GNAI3: variants seen among roughly 807,000 people sequenced by gnomAD.
GNAI3 encodes the protein guanine nucleotide-binding protein G(i) subunit alpha-3.
Under a neutral mutation model 41.8 loss-of-function variants are expected in GNAI3, and 12 were observed. That is an observed-to-expected ratio of 0.29 (90% CI 0.18 to 0.47). The LOEUF (loss-of-function observed/expected upper bound fraction) is 0.47. Ranked by LOEUF, GNAI3 falls within the 20% of genes least tolerant of loss-of-function variation. The pLI, the probability that GNAI3 is intolerant of heterozygous loss-of-function variation, is 1.00. For missense variants in GNAI3, 360 were observed against 429.6 expected (o/e 0.84, Z 1.43); for synonymous variants, 132 against 146.5 (o/e 0.90, Z 0.71).
intron 1 of GNAI3, among the ~76,000 whole-genome samples, chr1:109,553,299 A>G (rs1342175756): frequency 1.3e-5 from 2 of 151,898 alleles, no homozygotes; most frequent in Non-Finnish European, 2.9e-5. Flanking sequence ...TGCTCTCTGT[A>G]TTTCTGTTTC....
chr1:109,555,199 A>T (rs1324761615), intron 1 of GNAI3, among the ~76,000 whole-genome samples: 1 of 152,156 alleles, frequency 6.6e-6, no homozygotes, highest in East Asian at 1.9e-4. Flanking sequence ...ATTCATGTGG[A>T]CCCAAAAAAG....
intron 5 of GNAI3, among the ~76,000 whole-genome samples, 169 bp downstream of exon 5, chr1:109,582,734 C>G (rs769686023): frequency 6.6e-5 from 10 of 152,190 alleles, no homozygotes; most frequent in Non-Finnish European, 1.5e-4. Flanking sequence ...CCAAACATCT[C>G]TTGTTTCTCC....
chr1:109,566,376 T>A (rs570196625), intron 1 of GNAI3, among the ~76,000 whole-genome samples: 176 of 152,356 alleles, frequency 1.2e-3, no homozygotes, highest in Non-Finnish European at 1.8e-3. Context: ...TTATTTGTAT[T>A]TGAAGTCACC....
intron 5 of GNAI3, among the ~76,000 whole-genome samples, chr1:109,583,201 G>T (rs1258846319): frequency 2.8e-5 from 4 of 145,004 alleles, no homozygotes; most frequent in Admixed American, 6.8e-5. Flanking sequence ...GATTTTTTTG[G>T]TTTGTTTTTA....
In GNAI3 at chr1:109,586,199, T is replaced by G; in HGVS notation, c.591-17T>G. On this transcript the variant is annotated splice_polypyrimidine_tract_variant and intron_variant, in intron 5 of 8. Transcript: ENST00000369851. ...ATGTGTGACCTTGCTGAATTTGCTT[T>G]CTTTCCCCTTGCGCAGGATGTTTGA... The G allele has an allele frequency of 6.2e-7, 1 of 1,611,294 alleles. No homozygotes were observed. The highest frequency in any genetic ancestry group is 8.5e-7 in the Non-Finnish European group (1 of 1,178,246).
At chr1:109,564,140 T>G (rs1201037939) in intron 1 of GNAI3, among the ~76,000 whole-genome samples, 1 of 152,048 alleles carries the variant, frequency 6.6e-6, no homozygotes, top group African/African-American at 2.4e-5. Context: ...AGAAAGGTGT[T>G]TGTGGGAATA....
intron 1 of GNAI3, among the ~76,000 whole-genome samples, chr1:109,551,221 A>G (rs1647975609): frequency 6.6e-6 from 1 of 152,250 alleles, no homozygotes; most frequent in African/African-American, 2.4e-5. Flanking sequence ...AGTTAAATCC[A>G]CAAATTCAAA....
intron 1 of GNAI3, among the ~76,000 whole-genome samples, chr1:109,564,414 T>C (rs982805322): frequency 6.6e-6 from 1 of 152,128 alleles, no homozygotes; most frequent in African/African-American, 2.4e-5. Flanking sequence ...CCCCCATTCA[T>C]TCTGTTTTCT....
intron 1 of GNAI3, among the ~76,000 whole-genome samples, chr1:109,569,059 AGAATGAAACTAACATGG>A (rs1648527366): frequency 6.6e-6 from 1 of 152,196 alleles, no homozygotes; most frequent in Admixed American, 6.5e-5. Flanking sequence ...TCTTTTATTG[AGAATGAAACTAACATGG>A]CTTCCTTCCT....
intron 3 of GNAI3, among the ~76,000 whole-genome samples, chr1:109,576,833 CTT>C (rs1648760404): frequency 6.6e-6 from 1 of 151,922 alleles, no homozygotes; most frequent in Non-Finnish European, 1.5e-5. Context: ...AGAGGCACCT[CTT>C]TATAGACCTT....
At chr1:109,552,775 T>A (rs1648012920) in intron 1 of GNAI3, among the ~76,000 whole-genome samples, 1 of 152,092 alleles carries the variant, frequency 6.6e-6, no homozygotes, top group Non-Finnish European at 1.5e-5. Context: ...ACCAAGCTCT[T>A]TCAGCTCACC....
At chr1:109,563,964 A>G (rs1571150745) in intron 1 of GNAI3, among the ~76,000 whole-genome samples, 2 of 152,312 alleles carry the variant, frequency 1.3e-5, no homozygotes, top group South Asian at 4.1e-4. Flanking sequence ...TTTATTTAAT[A>G]AAAAACAACC....
intron 1 of GNAI3, among the ~76,000 whole-genome samples, chr1:109,552,464 G>A (rs186923863): frequency 2.2e-4 from 33 of 152,028 alleles, no homozygotes; most frequent in African/African-American, 7.5e-4. Context: ...TTAGAGATGG[G>A]GGTCTCATTA....
rs1269195745 is a variant in GNAI3, at chr1:109,587,251, C to T, written c.874+369C>T. Among the ~76,000 whole-genome samples, 4 of 152,022 alleles carry T rather than the reference C, an allele frequency of 2.6e-5. No individual in the cohort carries two copies. The East Asian group carries it at 7.7e-4, about 29-fold the overall frequency. ...TAGGCAACATAGTGACACCCCCCTG[C>T]CTCACAAAAAATAAAGTAAAATTTG... is the stretch of plus-strand genomic sequence containing the variant. On this transcript the variant is annotated intron_variant, in intron 7 of 8. Coordinates refer to ENST00000369851, the MANE Select transcript of GNAI3 (RefSeq NM_006496.4).
At chr1:109,564,305 G>T (rs1461614834) in intron 1 of GNAI3, among the ~76,000 whole-genome samples, 2 of 150,838 alleles carry the variant, frequency 1.3e-5, no homozygotes, top group Admixed American at 6.6e-5. Flanking sequence ...ACCTTTGCTT[G>T]TTCCCGTCTC....
In GNAI3 at chr1:109,586,023, A is replaced by G. The variant is rs17024018; in HGVS notation, c.591-193A>G. ...AAAATGAGAATCTAGATTATTCACA[A>G]GTTTTATTTTCTCATGTTGTTGTCT... On this transcript the variant is annotated intron_variant, in intron 5 of 8. Coordinates refer to ENST00000369851, the MANE Select transcript of GNAI3 (RefSeq NM_006496.4). Among the ~76,000 whole-genome samples, 3,803 of 152,270 alleles carry G rather than the reference A, an allele frequency of 0.025. 192 individuals are homozygous for G. Among genetic ancestry groups the G allele is most frequent in the African/African-American group, 0.086 (3,575 of 41,540 alleles).
rs183593332 is a variant in GNAI3, at chr1:109,564,175, G to C, written c.119-9562G>C. 4.0e-4 allele frequency among the ~76,000 whole-genome samples: 61 copies of C among 152,164 alleles called. 1 individual carries two copies. The highest frequency in any genetic ancestry group is 3.9e-3 in the Admixed American group (60 of 15,280). ...ACAGGAAGAGCTGGAGAATCAGGCC[G>C]CAAGAACTGATGCAGCTCTGAGACT... On this transcript the variant is annotated intron_variant, in intron 1 of 8. Transcript: ENST00000369851.
At chr1:109,570,972 T>C (rs1053435345) in intron 1 of GNAI3, among the ~76,000 whole-genome samples, 1 of 152,240 alleles carries the variant, frequency 6.6e-6, no homozygotes, top group Non-Finnish European at 1.5e-5. Context: ...TGGTTTCCAA[T>C]GTTCAGGAAC....
Position 109,548,793 on chromosome 1 carries a change from G to A in GNAI3, c.73G>A (p.Glu25Lys). ...RSKMIDRNLR[E>K]DGEKAAKEVK... ...CAAGATGATCGACCGCAACTTACGG[G>A]AGGACGGGGAAAAAGCGGCCAAAGA... The change falls in exon 1 of 9, where the codon GAG becomes AAG. Residue 25 changes from glutamate (E) to lysine (K), a missense_variant. Transcript: ENST00000369851. 6.2e-7 allele frequency: 1 copy of A among 1,613,042 alleles called. No individual in the cohort carries two copies.
Sources: gnomAD v4.1 joint callset for allele counts (sites outside exome capture counted in the v4.1 genomes callset) on GRCh38, gnomAD v4.1.1 for gene constraint, MANE v1.5 for transcripts, NCBI Gene and HGNC (gene_info 2026-07-23, HGNC 2026-07-21) for gene names.